The following GPC5 variants were observed in gnomAD, a reference collection of about 807,000 sequenced individuals.
GPC5 encodes glypican-5.
Under a neutral mutation model 53.9 loss-of-function variants are expected in GPC5, and 47 were observed. The ratio of observed to expected loss-of-function variants is 0.87; its 90% confidence interval spans 0.69 to 1.11. The LOEUF (loss-of-function observed/expected upper bound fraction) is 1.11, where lower values mean the gene tolerates loss of function less well. Among genes scored for constraint, GPC5 ranks in the 50% most tolerant of loss-of-function variants. GPC5 has a pLI of 0.00. For synonymous variants in GPC5, 286 were observed against 263.3 expected, an observed-to-expected ratio of 1.09 and a Z score of -0.84; for missense variants, 748 against 713.1, an observed-to-expected ratio of 1.05 and a Z score of -0.56.
intron 7 of GPC5, among the ~76,000 whole-genome samples, chr13:92,309,406 T>C (rs1382205331): frequency 6.6e-6 from 1 of 152,018 alleles, no homozygotes; most frequent in Non-Finnish European, 1.5e-5. Context: ...ACATATGGAT[T>C]ATTGTGTTAT....
At chr13:92,017,779 TAC>T (rs748514938) in intron 6 of GPC5, among the ~76,000 whole-genome samples, 3 of 149,554 alleles carry the variant, frequency 2.0e-5, no homozygotes, top group Non-Finnish European at 4.5e-5. Flanking sequence ...CGTGCATGAG[TAC>T]ACACACACGC....
At chr13:92,759,169 T>G (rs1234282907) in intron 7 of GPC5, among the ~76,000 whole-genome samples, 1 of 151,548 alleles carries the variant, frequency 6.6e-6, no homozygotes, top group East Asian at 1.9e-4. Context: ...GTAATATAAT[T>G]TTAAATCAGT....
intron 7 of GPC5, among the ~76,000 whole-genome samples, chr13:92,783,804 C>G (rs1184136611): frequency 6.6e-6 from 1 of 152,132 alleles, no homozygotes. Context: ...TGTCAGGCTA[C>G]AACCCTGGGC....
chr13:91,779,260 T>C (rs2037758818), intron 5 of GPC5, among the ~76,000 whole-genome samples: 1 of 152,244 alleles, frequency 6.6e-6, no homozygotes, highest in African/African-American at 2.4e-5. Flanking sequence ...ACTTTTTGAG[T>C]CTTTTGTAAT....
chr13:92,798,049 A>C (rs1039678634), intron 7 of GPC5, among the ~76,000 whole-genome samples: 1 of 151,716 alleles, frequency 6.6e-6, no homozygotes, highest in Non-Finnish European at 1.5e-5. Flanking sequence ...CCCTATCCTA[A>C]GCAGTTTCGT....
intron 2 of GPC5, among the ~76,000 whole-genome samples, chr13:91,572,211 G>T (rs1325952998): frequency 8.7e-6 from 1 of 114,708 alleles, no homozygotes; most frequent in Non-Finnish European, 1.8e-5. Context: ...GTATATATAC[G>T]TGTATATATA....
At chr13:92,083,306 T>C (rs2041310948) in intron 6 of GPC5, among the ~76,000 whole-genome samples, 1 of 152,052 alleles carries the variant, frequency 6.6e-6, no homozygotes, top group African/African-American at 2.4e-5. Flanking sequence ...TCCACATCAG[T>C]ACAATGGTAA....
intron 7 of GPC5, among the ~76,000 whole-genome samples, chr13:92,632,815 G>A (rs989821849): frequency 4.6e-5 from 7 of 152,046 alleles, no homozygotes; most frequent in African/African-American, 1.7e-4. Flanking sequence ...AGGCAAGGAG[G>A]AGCAAGTCAC....
At chr13:92,776,916 C>T (rs1362117416) in intron 7 of GPC5, among the ~76,000 whole-genome samples, 3 of 146,108 alleles carry the variant, frequency 2.1e-5, no homozygotes, top group Middle Eastern at 3.5e-3. Context: ...CTCAGCTACT[C>T]GGGAGGCTGA....
At chr13:92,679,132 A>T (rs1244233681) in intron 7 of GPC5, among the ~76,000 whole-genome samples, 1 of 152,136 alleles carries the variant, frequency 6.6e-6, no homozygotes. Context: ...GATCATTAGC[A>T]TGGGGCTGGT....
intron 6 of GPC5, among the ~76,000 whole-genome samples, chr13:91,912,129 C>CA (rs1194884118): frequency 6.6e-6 from 1 of 152,054 alleles, no homozygotes; most frequent in Non-Finnish European, 1.5e-5. Context: ...TGGAATCATA[C>CA]AAAAAATTGT....
intron 6 of GPC5, among the ~76,000 whole-genome samples, chr13:91,991,843 G>T (rs1464440680): frequency 1.9e-5 from 2 of 102,694 alleles, no homozygotes; most frequent in African/African-American, 9.3e-5. Context: ...TGCATCTTAG[G>T]TTTCCTGCAA....
At chr13:91,529,274 C>T (rs1214657273) in intron 2 of GPC5, among the ~76,000 whole-genome samples, 3 of 152,046 alleles carry the variant, frequency 2.0e-5, no homozygotes, top group Non-Finnish European at 4.4e-5. Context: ...TACTTTAAAA[C>T]TATTTTAAAA....
At chr13:92,625,470 A>G (rs1318118913) in intron 7 of GPC5, among the ~76,000 whole-genome samples, 4 of 152,190 alleles carry the variant, frequency 2.6e-5, no homozygotes, top group Non-Finnish European at 5.9e-5. Context: ...TGCACATTTT[A>G]ATGTATAGCG....
Position 91,564,105 on chromosome 13 carries a change from T to G in GPC5, c.325+115183T>G, listed in dbSNP as rs760524750. 4.5e-4 allele frequency among the ~76,000 whole-genome samples: 68 copies of G among 152,178 alleles called. 2 individuals are homozygous for G. Among genetic ancestry groups the G allele is most frequent in the Non-Finnish European group, 5.9e-5 (4 of 68,024 alleles). On this transcript the variant is annotated intron_variant, in intron 2 of 7. Coordinates refer to ENST00000377067, the MANE Select transcript of GPC5 (RefSeq NM_004466.6). Reference sequence around the variant, plus strand: ...ATGTTGGATTCAAAAACCATTTCAGTGACAGCACCCAATGCCTTGCTAACA... The same window carrying G: ...ATGTTGGATTCAAAAACCATTTCAGGGACAGCACCCAATGCCTTGCTAACA...
intron 7 of GPC5, among the ~76,000 whole-genome samples, chr13:92,219,540 C>T (rs1376589399): frequency 1.3e-5 from 2 of 152,136 alleles, no homozygotes; most frequent in Non-Finnish European, 1.5e-5. Context: ...AGAAGCTACT[C>T]CCTTTTCAAC....
intron 1 of GPC5, among the ~76,000 whole-genome samples, chr13:91,419,960 A>T (rs1355678528): frequency 6.6e-6 from 1 of 152,214 alleles, no homozygotes. Context: ...AAGATGTTTC[A>T]TGACCAAATG....
intron 7 of GPC5, among the ~76,000 whole-genome samples, chr13:92,742,012 C>G (rs1476146850): frequency 6.6e-6 from 1 of 152,008 alleles, no homozygotes; most frequent in Non-Finnish European, 1.5e-5. Context: ...GGTTCCAAGT[C>G]TTTGCTATTG....
At chr13:91,415,745 G>A (rs1314328983) in intron 1 of GPC5, among the ~76,000 whole-genome samples, 1 of 144,972 alleles carries the variant, frequency 6.9e-6, no homozygotes, top group Non-Finnish European at 1.5e-5. Flanking sequence ...TTTTGCGGGG[G>A]TGGGGGGGGT....
Sources: gnomAD v4.1 joint callset for allele counts (sites outside exome capture counted in the v4.1 genomes callset) on GRCh38, gnomAD v4.1.1 for gene constraint, MANE v1.5 for transcripts, NCBI Gene and HGNC (gene_info 2026-07-23, HGNC 2026-07-21) for gene names.